The following LINGO2 variants were observed in gnomAD, a reference collection of about 807,000 sequenced individuals.
The protein encoded by LINGO2 is leucine-rich repeat and immunoglobulin-like domain-containing nogo receptor-interacting protein 2.
In LINGO2, 14 loss-of-function variants were observed where a neutral mutation model predicts 30.6. The observed-to-expected ratio is 0.46, with a 90% CI of 0.30 to 0.72. The LOEUF is 0.72. Among genes scored for constraint, LINGO2 ranks in the 30% least tolerant of loss-of-function variants. The pLI, the probability that LINGO2 is intolerant of heterozygous loss-of-function variation, is 0.07. For missense variants in LINGO2, 729 were observed against 751.7 expected (o/e 0.97, Z 0.35); for synonymous variants, 317 against 288.5 (o/e 1.10, Z -1.00).
In LINGO2 at chr9:28,646,598, T is replaced by C. The variant is rs548180120; in HGVS notation, c.-365+23602A>G. ...CAGACAAAATAGAAAGATTGATCCATATGATCTGGGGAAACACTCTTTTTT... is the reference window on the plus strand; with the variant it reads ...CAGACAAAATAGAAAGATTGATCCACATGATCTGGGGAAACACTCTTTTTT... On this transcript the variant is annotated intron_variant, in intron 1 of 5. Coordinates refer to ENST00000379992, the Ensembl canonical transcript of LINGO2. 4.6e-5 allele frequency among the ~76,000 whole-genome samples: 7 copies of C among 152,188 alleles called. 1 individual carries two copies. The highest frequency in any genetic ancestry group is 1.7e-4 in the African/African-American group (7 of 41,556).
chr9:28,168,369 G>A (rs534707673), intron 4 of LINGO2, among the ~76,000 whole-genome samples: 1 of 152,284 alleles, frequency 6.6e-6, no homozygotes, highest in Admixed American at 6.5e-5. Flanking sequence ...GGGGTAGTGT[G>A]AAAATAGCAA....
the LINGO2 span, among the ~76,000 whole-genome samples, chr9:28,897,114 A>G: frequency 6.6e-6 from 1 of 152,182 alleles, no homozygotes; most frequent in Non-Finnish European, 1.5e-5. Context: ...ACAAAGATTA[A>G]TGTGTTACTA....
At chr9:27,957,536 C>G (rs529112633) in intron 5 of LINGO2, among the ~76,000 whole-genome samples, 3 of 152,136 alleles carry the variant, frequency 2.0e-5, no homozygotes, top group Non-Finnish European at 4.4e-5. Context: ...TTGTGATCTG[C>G]CCACCTTGGC....
chr9:28,540,319 G>A (rs1250297701), intron 1 of LINGO2, among the ~76,000 whole-genome samples: 1 of 150,844 alleles, frequency 6.6e-6, no homozygotes, highest in Non-Finnish European at 1.5e-5. Context: ...GAATACAGTG[G>A]CACAATTACA....
Position 28,147,623 on chromosome 9 carries a change from C to T in LINGO2, c.-86-135218G>A, listed in dbSNP as rs1827850707. On this transcript the variant is annotated intron_variant, in intron 4 of 5. Transcript: ENST00000379992. The surrounding 1 kb of genome is among the most constrained non-coding windows in gnomAD (Gnocchi z 4.7). The stretch of plus-strand genomic sequence containing the variant: ...CCGGCCAAGACAGGGCCACTGGGTG[C>T]CAGCCAGCACCTGGGCGAGGTGCCA... 2.0e-5 allele frequency among the ~76,000 whole-genome samples: 3 copies of T among 152,250 alleles called. No individual in the cohort carries two copies. Among genetic ancestry groups the T allele is most frequent in the South Asian group, 4.1e-4 (2 of 4,826 alleles).
chr9:28,190,459 T>G (rs1021247421), intron 4 of LINGO2, among the ~76,000 whole-genome samples: 1 of 152,060 alleles, frequency 6.6e-6, no homozygotes, highest in East Asian at 1.9e-4. Flanking sequence ...GGTGGGGCCA[T>G]TGAGATGTGA....
chr9:28,392,628 C>G (rs1014929715), intron 2 of LINGO2, among the ~76,000 whole-genome samples: 2 of 152,120 alleles, frequency 1.3e-5, no homozygotes, highest in African/African-American at 4.8e-5. Flanking sequence ...GGCTCCAGTT[C>G]CCCCTACCCT....
the LINGO2 span, among the ~76,000 whole-genome samples, chr9:29,174,770 G>A: frequency 6.6e-6 from 1 of 152,208 alleles, no homozygotes; most frequent in African/African-American, 2.4e-5. Flanking sequence ...ATAAATACAT[G>A]TCAGGATGTA....
At chr9:28,363,471 C>G (rs979258021) in intron 3 of LINGO2, among the ~76,000 whole-genome samples, 3 of 152,098 alleles carry the variant, frequency 2.0e-5, no homozygotes, top group African/African-American at 7.2e-5. Flanking sequence ...TCTTTGGCCC[C>G]TGATAATAAG....
intron 3 of LINGO2, among the ~76,000 whole-genome samples, chr9:28,307,652 AG>A (rs1809401017): frequency 6.6e-6 from 1 of 152,194 alleles, no homozygotes; most frequent in Non-Finnish European, 1.5e-5. Context: ...CCCTGTTTGC[AG>A]ATGACATGAT....
the LINGO2 span, chr9:27,942,875 C>A: frequency 7.0e-6 from 1 of 143,490 alleles, no homozygotes; most frequent in Non-Finnish European, 1.6e-5. Context: ...ATGGAAAAAA[C>A]CTGAAAACAA....
chr9:28,083,117 T>C (rs1404157220), intron 4 of LINGO2, among the ~76,000 whole-genome samples: 3 of 152,186 alleles, frequency 2.0e-5, no homozygotes, highest in South Asian at 4.1e-4. Context: ...TAGAATTATA[T>C]GCTGAGACTC....
the LINGO2 span, among the ~76,000 whole-genome samples, chr9:29,053,422 G>A: frequency 6.6e-6 from 1 of 152,094 alleles, no homozygotes; most frequent in Admixed American, 6.6e-5. Flanking sequence ...TGGGTGGGGG[G>A]AAGGGGGAGG....
chr9:28,817,791 C>T, the LINGO2 span, among the ~76,000 whole-genome samples: 89,044 of 152,004 alleles, frequency 0.59, 26,173 homozygotes, highest in Middle Eastern at 0.69. Context: ...ATGAAAAAGC[C>T]TTATGCCAGA....
At chr9:28,278,437 T>G (rs540655812) in intron 4 of LINGO2, among the ~76,000 whole-genome samples, 1 of 152,200 alleles carries the variant, frequency 6.6e-6, no homozygotes, top group Admixed American at 6.5e-5. Context: ...TCAAAGGACA[T>G]GCTGATCCTC....
intron 1 of LINGO2, among the ~76,000 whole-genome samples, chr9:28,490,186 T>C (rs7874051): frequency 0.031 from 4,697 of 152,148 alleles, 179 homozygotes; most frequent in East Asian, 0.099. Flanking sequence ...GCAGGCCCAG[T>C]GGAACAAGTA....
intron 4 of LINGO2, among the ~76,000 whole-genome samples, chr9:28,118,574 G>A (rs998330064): frequency 1.3e-5 from 2 of 152,166 alleles, no homozygotes; most frequent in Non-Finnish European, 2.9e-5. Context: ...TGGGCATTAT[G>A]AGAAGATAGT....
the LINGO2 span, among the ~76,000 whole-genome samples, chr9:29,019,010 A>C: frequency 1.3e-5 from 2 of 152,190 alleles, no homozygotes; most frequent in Admixed American, 1.3e-4. Flanking sequence ...TATTTAGACT[A>C]GGTGACCTAT....
intron 2 of LINGO2, among the ~76,000 whole-genome samples, chr9:28,384,826 TA>T (rs34344145): frequency 0.096 from 11,915 of 124,460 alleles, 626 homozygotes; most frequent in Non-Finnish European, 0.15. Flanking sequence ...CTTTGTGTGA[TA>T]AAAAAAAAAA....
Sources: allele counts gnomAD v4.1 joint callset (sites outside exome capture counted in the v4.1 genomes callset), GRCh38; gene constraint gnomAD v4.1.1; non-coding constraint Gnocchi (gnomAD v3.1); transcripts MANE v1.5; gene names NCBI Gene and HGNC (gene_info 2026-07-23, HGNC 2026-07-21).